KIFAP3: variants seen among roughly 807,000 people sequenced by gnomAD.
KIFAP3 encodes the protein kinesin associated protein 3.
In KIFAP3, 68 loss-of-function variants were observed where a neutral mutation model predicts 106.5. The ratio of observed to expected loss-of-function variants is 0.64; its 90% CI spans 0.53 to 0.78. The LOEUF (loss-of-function observed/expected upper bound fraction) is 0.78. Among genes scored for constraint, KIFAP3 ranks in the 30% least tolerant of loss-of-function variants. The probability of loss-of-function intolerance (pLI) is 0.00; values close to 1 mark genes in which losing one functional copy is unlikely to be tolerated. For missense variants in KIFAP3, 780 were observed against 941.8 expected (o/e 0.83, Z 2.25); for synonymous variants, 320 against 311.5 (o/e 1.03, Z -0.29).
At chr1:169,958,715 A>G (rs186159862) in intron 18 of KIFAP3, among the ~76,000 whole-genome samples, 2 of 152,310 alleles carry the variant, frequency 1.3e-5, no homozygotes, top group African/African-American at 4.8e-5. Context: ...TAAAAAATAA[A>G]AAGTCATTTA....
At chr1:169,940,945 G>GTGTGTGTGTGTGTT (rs1664074411) in intron 19 of KIFAP3, among the ~76,000 whole-genome samples, 1 of 94,840 alleles carries the variant, frequency 1.1e-5, no homozygotes, top group Admixed American at 1.1e-4. Context: ...GTGTGTGTGT[G>GTGTGTGTGTGTGTT]TGTGTGTGTT....
intron 19 of KIFAP3, among the ~76,000 whole-genome samples, chr1:169,930,280 G>A (rs886606005): frequency 3.9e-5 from 6 of 152,058 alleles, no homozygotes; most frequent in Admixed American, 6.5e-5. Flanking sequence ...CTGTTAGAGC[G>A]CTTGTCGTGT....
chr1:170,061,037 T>A (rs1024565079), intron 1 of KIFAP3, among the ~76,000 whole-genome samples: 4 of 152,190 alleles, frequency 2.6e-5, no homozygotes, highest in Non-Finnish European at 4.4e-5. Context: ...ACTTAAATGT[T>A]AGACCTAAAA....
intron 19 of KIFAP3, among the ~76,000 whole-genome samples, chr1:169,930,835 T>G (rs571261544): frequency 6.6e-6 from 1 of 152,294 alleles, no homozygotes; most frequent in East Asian, 1.9e-4. Context: ...ATTTACATAT[T>G]ATCTGCATAG....
chr1:170,003,799 C>G (rs1239789328), intron 10 of KIFAP3, among the ~76,000 whole-genome samples: 1 of 152,184 alleles, frequency 6.6e-6, no homozygotes, highest in African/African-American at 2.4e-5. Flanking sequence ...AAAACTGGCA[C>G]AAGACAGGGA....
In KIFAP3 at chr1:170,042,054, C is replaced by T. The variant is rs141241165; in HGVS notation, c.320-2766G>A. Reference sequence around the variant, plus strand: ...ATTAGCAGAAGTTCAATGTGCCTAACGGGTGGAAAGGGGGGTCTGTTTTAT... The same window carrying T: ...ATTAGCAGAAGTTCAATGTGCCTAATGGGTGGAAAGGGGGGTCTGTTTTAT... On this transcript the variant is annotated intron_variant, in intron 3 of 19. Transcript: ENST00000361580. Among the ~76,000 whole-genome samples, 1,194 of 152,182 alleles carry T rather than the reference C, an allele frequency of 7.8e-3. 9 individuals carry two copies. The highest frequency in any genetic ancestry group is 0.013 in the Non-Finnish European group (865 of 68,000).
intron 11 of KIFAP3, among the ~76,000 whole-genome samples, chr1:169,987,799 A>T (rs1666907673): frequency 6.6e-6 from 1 of 152,102 alleles, no homozygotes. Context: ...TTCATTGGCC[A>T]TTCTATTACC....
At chr1:169,992,061 T>A (rs1403452731) in intron 11 of KIFAP3, 94 bp downstream of exon 11, 2 of 531,140 alleles carry the variant, frequency 3.8e-6, no homozygotes, top group African/African-American at 4.0e-5. Flanking sequence ...AGAAGAGAAC[T>A]TTTTTAGAGA....
At chr1:170,078,915 A>G (rs939723081), upstream of KIFAP3, among the ~76,000 whole-genome samples, 1 of 152,242 alleles carries the variant, frequency 6.6e-6, no homozygotes, top group Admixed American at 6.5e-5. Flanking sequence ...ATATTAGCAA[A>G]TCAAACCAGC....
At chr1:169,929,032 A>G (rs1663311771) in intron 19 of KIFAP3, among the ~76,000 whole-genome samples, 1 of 152,174 alleles carries the variant, frequency 6.6e-6, no homozygotes, top group African/African-American at 2.4e-5. Context: ...AACAATACCT[A>G]ACACTAGTAA....
rs1350336224 is a variant in KIFAP3, at chr1:169,921,549, TATAAAA to T, written c.*121_*126del. 2.5e-5 allele frequency: 17 copies of T among 682,624 alleles called. No individual in the cohort carries two copies. The African/African-American group carries it at 3.1e-4, about 12-fold the overall frequency. The allele number at this position is 682,624 out of a possible 1,614,324, so 42.3% of individuals were successfully genotyped here. A position where few individuals can be genotyped will look rare whatever the true frequency, so the allele number is the denominator to read the frequency against. On this transcript the variant is annotated 3_prime_UTR_variant, in exon 20 of 20. Coordinates refer to ENST00000361580, the MANE Select transcript of KIFAP3 (RefSeq NM_014970.4). The stretch of plus-strand genomic sequence containing the variant: ...TGGGGTTAATCTGCAGCTAACAACA[TATAAAA>T]ATAAAAACAAACACAGACCCACAAT...
intron 19 of KIFAP3, among the ~76,000 whole-genome samples, chr1:169,942,072 T>C (rs1467674294): frequency 6.6e-6 from 1 of 152,134 alleles, no homozygotes; most frequent in Non-Finnish European, 1.5e-5. Context: ...AGAGCTCTTA[T>C]AAAGTGAAAC....
intron 1 of KIFAP3, among the ~76,000 whole-genome samples, chr1:170,058,998 T>A (rs1670994176): frequency 6.6e-6 from 1 of 152,218 alleles, no homozygotes; most frequent in African/African-American, 2.4e-5. Flanking sequence ...AGAACCAGAA[T>A]CTCTGGGACA....
chr1:170,001,781 G>T (rs2101962058), intron 10 of KIFAP3, among the ~76,000 whole-genome samples: 1 of 152,162 alleles, frequency 6.6e-6, no homozygotes, highest in East Asian at 1.9e-4. Context: ...CAAAAAAATG[G>T]AAAACACTTC....
At chr1:170,015,513 T>C (rs935456699) in intron 10 of KIFAP3, among the ~76,000 whole-genome samples, 81 of 152,108 alleles carry the variant, frequency 5.3e-4, no homozygotes, top group Admixed American at 4.8e-3. Flanking sequence ...ATTGAATATA[T>C]GGAGAAAGCT....
At position 169,921,433 on chromosome 1, in the gene KIFAP3, T is replaced by G; in HGVS notation, c.*243A>C. The G allele has an allele frequency of 3.3e-6, 1 of 307,620 alleles. No homozygotes were observed. Among genetic ancestry groups the G allele is most frequent in the Non-Finnish European group, 6.0e-6 (1 of 165,398 alleles). The allele number at this position is 307,620 out of a possible 1,614,324, so 19.1% of individuals were successfully genotyped here. ...AGTAGCTTTTCAGCATTCAGTTTTG[T>G]GGCTCATGGGAAATGTTACTTAGCA... On this transcript the variant is annotated 3_prime_UTR_variant, in exon 20 of 20. Transcript: ENST00000361580.
At chr1:169,949,026 A>T (rs1664596012) in intron 19 of KIFAP3, among the ~76,000 whole-genome samples, 1 of 152,028 alleles carries the variant, frequency 6.6e-6, no homozygotes, top group Non-Finnish European at 1.5e-5. Context: ...GAATTAAAAA[A>T]TCATACATTT....
intron 19 of KIFAP3, among the ~76,000 whole-genome samples, chr1:169,940,173 T>C (rs751241772): frequency 9.2e-5 from 14 of 152,322 alleles, no homozygotes; most frequent in Admixed American, 7.9e-4. Flanking sequence ...AAGGTAAGAA[T>C]AGTTTATTGA....
chr1:170,042,865 C>G (rs1355275459), intron 3 of KIFAP3, among the ~76,000 whole-genome samples: 1 of 152,208 alleles, frequency 6.6e-6, no homozygotes, highest in Non-Finnish European at 1.5e-5. Flanking sequence ...CACACAGACC[C>G]ACATCTGAGC....
Sources: gnomAD v4.1 joint callset for allele counts (sites outside exome capture counted in the v4.1 genomes callset) on GRCh38, gnomAD v4.1.1 for gene constraint, MANE v1.5 for transcripts, NCBI Gene and HGNC (gene_info 2026-07-23, HGNC 2026-07-21) for gene names.